The following PINX1 variants were observed in gnomAD, a reference collection of about 807,000 sequenced individuals.
The protein encoded by PINX1 is PIN2 (TERF1) interacting telomerase inhibitor 1, also known as PIN2/TERF1-interacting telomerase inhibitor 1.
PINX1 carries 34 observed loss-of-function variants against 25.4 expected under a neutral mutation model. The ratio of observed to expected loss-of-function variants is 1.34; its 90% confidence interval spans 1.02 to 1.78. The LOEUF (loss-of-function observed/expected upper bound fraction) is 1.78, where lower values mean the gene tolerates loss of function less well. PINX1 is among the 40% of genes most tolerant of loss of function. The pLI is 0.00. For synonymous variants in PINX1, 197 were observed against 147.7 expected, an observed-to-expected ratio of 1.33 and a Z score of -2.42; for missense variants, 592 against 404.9, an observed-to-expected ratio of 1.46 and a Z score of -3.97.
At chr8:10,797,593 A>T (rs114925332) in intron 6 of PINX1, among the ~76,000 whole-genome samples, 3,073 of 152,314 alleles carry the variant, frequency 0.02, 118 homozygotes, top group African/African-American at 0.07. Context: ...TATTCAAAAT[A>T]AAAAGAGGAC....
At chr8:10,787,703 A>G in intron 6 of PINX1, 2 of 404,074 alleles carry the variant, frequency 4.9e-6, no homozygotes, top group Non-Finnish European at 9.8e-6. Flanking sequence ...GGTTAAAGTG[A>G]GTCAGTGTAC....
In PINX1 at chr8:10,776,749, T is replaced by G. The variant is rs76931860; in HGVS notation, c.472-10833A>C. ...GGGGAAGCAAGGGATGGGATGGTGCTGCCCAGACCTGTCACCAGAGTCGCC... is the reference window on the plus strand; with the variant it reads ...GGGGAAGCAAGGGATGGGATGGTGCGGCCCAGACCTGTCACCAGAGTCGCC... On this transcript the variant is annotated intron_variant, in intron 6 of 6. Coordinates refer to ENST00000314787, the MANE Select transcript of PINX1 (RefSeq NM_017884.6). 5.5e-4 allele frequency among the ~76,000 whole-genome samples: 84 copies of G among 152,256 alleles called. No individual in the cohort carries two copies. The East Asian group carries it at 0.015, about 28-fold the overall frequency.
chr8:10,813,123 A>C (rs1292025097), intron 6 of PINX1, among the ~76,000 whole-genome samples: 1 of 152,180 alleles, frequency 6.6e-6, no homozygotes. Flanking sequence ...GGAAAAAATG[A>C]ATTTTGGAAC....
At chr8:10,779,686 G>C (rs1358152994) in intron 6 of PINX1, among the ~76,000 whole-genome samples, 1 of 152,056 alleles carries the variant, frequency 6.6e-6, no homozygotes, top group African/African-American at 2.4e-5. Context: ...ACTTACTGTC[G>C]GGAAGTAAAG....
chr8:10,823,149 CTCACTA>C, intron 5 of PINX1, among the ~76,000 whole-genome samples: 1 of 152,294 alleles, frequency 6.6e-6, no homozygotes, highest in African/African-American at 2.4e-5. Context: ...TTGAATGCTC[CTCACTA>C]CCAGTGTGCA....
rs372780957 is a variant in PINX1 at position 10,815,386 on chromosome 8, T to C, written c.471+4807A>G. The stretch of plus-strand genomic sequence containing the variant: ...ATTTTCTTTTAATTTCTATACATTA[T>C]ATTCAAAATAATTAAGAGAGCACAT... On this transcript the variant is annotated intron_variant, in intron 6 of 6. Transcript: ENST00000314787. Among the ~76,000 whole-genome samples, 185 of 152,376 alleles carry C rather than the reference T, an allele frequency of 1.2e-3. 3 individuals are homozygous for C. The South Asian group carries it at 0.034, about 28-fold the overall frequency.
chr8:10,783,241 G>C (rs1407963472), intron 6 of PINX1, among the ~76,000 whole-genome samples: 1 of 152,094 alleles, frequency 6.6e-6, no homozygotes. Context: ...TGGCACTGGA[G>C]TTATACATTT....
At chr8:10,769,293 A>T (rs1801152473) in intron 6 of PINX1, among the ~76,000 whole-genome samples, 1 of 152,164 alleles carries the variant, frequency 6.6e-6, no homozygotes, top group Non-Finnish European at 1.5e-5. Flanking sequence ...CTAATAAAAT[A>T]AGCAGGACTG....
At chr8:10,832,377 T>C (rs1432358089) in intron 3 of PINX1, among the ~76,000 whole-genome samples, 2 of 152,238 alleles carry the variant, frequency 1.3e-5, no homozygotes, top group African/African-American at 2.4e-5. Flanking sequence ...TTACTCACAT[T>C]CTTAGCAATT....
At chr8:10,816,067 T>C (rs925541925) in intron 6 of PINX1, among the ~76,000 whole-genome samples, 1 of 152,052 alleles carries the variant, frequency 6.6e-6, no homozygotes, top group Non-Finnish European at 1.5e-5. Flanking sequence ...ACGGGCGGTG[T>C]TGGAGGGGTA....
At chr8:10,772,927 A>ATTT (rs71538086) in intron 6 of PINX1, among the ~76,000 whole-genome samples, 1 of 146,630 alleles carries the variant, frequency 6.8e-6, no homozygotes, top group African/African-American at 2.5e-5. Context: ...GTTTTTAATG[A>ATTT]TTTTTTTTTT....
At chr8:10,774,826 T>C (rs1381277391) in intron 6 of PINX1, among the ~76,000 whole-genome samples, 1 of 152,210 alleles carries the variant, frequency 6.6e-6, no homozygotes. Flanking sequence ...GAAATATTTT[T>C]AGGAGTAAAT....
intron 6 of PINX1, among the ~76,000 whole-genome samples, chr8:10,766,851 G>C (rs1487248258): frequency 6.6e-6 from 1 of 152,230 alleles, no homozygotes; most frequent in Non-Finnish European, 1.5e-5. Flanking sequence ...GAGAGGCTGG[G>C]ATAAAGAATG....
intron 6 of PINX1, among the ~76,000 whole-genome samples, chr8:10,804,668 G>A (rs533424585): frequency 6.6e-6 from 1 of 151,970 alleles, no homozygotes; most frequent in African/African-American, 2.4e-5. Context: ...GATTAGGAAT[G>A]GTTTCATCGG....
At chr8:10,782,868 C>T (rs1435027959) in intron 6 of PINX1, among the ~76,000 whole-genome samples, 1 of 152,202 alleles carries the variant, frequency 6.6e-6, no homozygotes. Context: ...AAGGAAAACC[C>T]TCCAGTCATC....
chr8:10,828,856 C>T (rs1586206298), intron 4 of PINX1, among the ~76,000 whole-genome samples: 1 of 152,180 alleles, frequency 6.6e-6, no homozygotes, highest in African/African-American at 2.4e-5. Flanking sequence ...GTTGTCAAAG[C>T]AGCAATCAAA....
intron 6 of PINX1, among the ~76,000 whole-genome samples, chr8:10,817,605 A>C (rs1460694924): frequency 1.3e-5 from 2 of 152,226 alleles, no homozygotes; most frequent in Non-Finnish European, 2.9e-5. Flanking sequence ...TTTTCTGCAC[A>C]CATGCAGGCA....
At chr8:10,766,041 C>G in intron 6 of PINX1, 125 bp from the exon 7 acceptor site, 1 of 839,434 alleles carries the variant, frequency 1.2e-6, no homozygotes, top group Non-Finnish European at 1.9e-6. Context: ...ACCCGGCACC[C>G]ACACCCGGCA....
intron 6 of PINX1, among the ~76,000 whole-genome samples, chr8:10,768,669 C>T (rs746124825): frequency 1.4e-4 from 21 of 152,260 alleles, no homozygotes; most frequent in South Asian, 1.0e-3. Context: ...ATCACAGAAA[C>T]GTGCCTATTT....
Sources: gnomAD v4.1 joint callset for allele counts (sites outside exome capture counted in the v4.1 genomes callset) on GRCh38, gnomAD v4.1.1 for gene constraint, MANE v1.5 for transcripts, NCBI Gene and HGNC (gene_info 2026-07-23, HGNC 2026-07-21) for gene names.